AGBL4: variants seen among roughly 807,000 people sequenced by gnomAD.
The protein encoded by AGBL4 is cytosolic carboxypeptidase 6.
A neutral mutation model predicts 66.4 loss-of-function variants in AGBL4; 58 were observed. The ratio of observed to expected loss-of-function variants is 0.87; its 90% CI spans 0.71 to 1.09. The LOEUF (loss-of-function observed/expected upper bound fraction) is 1.09. Among genes scored for constraint, AGBL4 ranks in the 50% least tolerant of loss-of-function variants. The probability of loss-of-function intolerance (pLI) is 0.00; values close to 1 mark genes in which losing one functional copy is unlikely to be tolerated. For synonymous variants in AGBL4, 234 were observed against 222.9 expected (o/e 1.05, Z -0.44); for missense variants, 579 against 631.0 (o/e 0.92, Z 0.88).
At chr1:49,448,731 T>C (rs1176790899) in intron 3 of AGBL4, among the ~76,000 whole-genome samples, 1 of 152,176 alleles carries the variant, frequency 6.6e-6, no homozygotes. Context: ...AAATGGTATC[T>C]ATGGTGAAGA....
chr1:49,845,160 T>C, intron 2 of AGBL4: 1 of 1,403,898 alleles, frequency 7.1e-7, no homozygotes, highest in South Asian at 1.2e-5. Context: ...AGAGACCTTA[T>C]GAATGTCACA....
At chr1:48,992,018 G>A (rs1338961562) in intron 5 of AGBL4, among the ~76,000 whole-genome samples, 1 of 152,114 alleles carries the variant, frequency 6.6e-6, no homozygotes, top group Non-Finnish European at 1.5e-5. Context: ...GTGAGGTCAT[G>A]TTTTCCTGGA....
At chr1:48,827,711 T>C (rs1448297870) in intron 6 of AGBL4, among the ~76,000 whole-genome samples, 1 of 152,196 alleles carries the variant, frequency 6.6e-6, no homozygotes, top group Non-Finnish European at 1.5e-5. Flanking sequence ...CAAGAAACAG[T>C]CTTAGCTGTA....
intron 5 of AGBL4, among the ~76,000 whole-genome samples, chr1:48,949,184 A>G (rs1364438986): frequency 6.6e-6 from 1 of 152,192 alleles, no homozygotes; most frequent in Non-Finnish European, 1.5e-5. Flanking sequence ...GGAGTCCCAC[A>G]TGCCACACCT....
intron 1 of AGBL4, among the ~76,000 whole-genome samples, chr1:49,866,593 G>A (rs1305506470): frequency 3.9e-5 from 6 of 151,982 alleles, no homozygotes; most frequent in Admixed American, 6.6e-5. Flanking sequence ...GCAAAATTCC[G>A]TCTCTACTAA....
At chr1:49,870,370 C>A (rs1646808723) in intron 1 of AGBL4, among the ~76,000 whole-genome samples, 1 of 151,838 alleles carries the variant, frequency 6.6e-6, no homozygotes, top group Admixed American at 6.6e-5. Context: ...AAAATATTAA[C>A]CTTTAAATCA....
At chr1:49,441,293 A>G (rs766010335) in intron 3 of AGBL4, among the ~76,000 whole-genome samples, 61 of 152,318 alleles carry the variant, frequency 4.0e-4, no homozygotes, top group Middle Eastern at 6.8e-3. Context: ...TGGTGGAAGG[A>G]ACATAGAGTT....
rs571034894 is a variant in AGBL4, at chr1:49,432,365, CCAATTCCAACTGGTTG to C, written c.283-186517_283-186502del. On this transcript the variant is annotated intron_variant, in intron 3 of 13. Transcript: ENST00000371839. Reference sequence around the variant, plus strand: ...TTTCCAGGCCTTCTTCTTGGAATTTCCAATTCCAACTGGTTGCAGGAATAAAAACTCTCTTCCTCCC... The same window carrying C: ...TTTCCAGGCCTTCTTCTTGGAATTTCCAGGAATAAAAACTCTCTTCCTCCC... Among the ~76,000 whole-genome samples the C allele has an allele frequency of 3.5e-4, 53 of 152,224 alleles. 1 individual carries two copies. The South Asian group carries it at 9.7e-3, about 28-fold the overall frequency.
chr1:49,887,178 T>C (rs1279741543), intron 1 of AGBL4, among the ~76,000 whole-genome samples: 1 of 32,618 alleles, frequency 3.1e-5, no homozygotes, highest in Non-Finnish European at 1.0e-4. Flanking sequence ...ATATACATTG[T>C]ATATATATAT....
At chr1:49,443,814 GGTTT>G (rs1646092653) in intron 3 of AGBL4, among the ~76,000 whole-genome samples, 1 of 149,882 alleles carries the variant, frequency 6.7e-6, no homozygotes, top group Admixed American at 6.7e-5. Flanking sequence ...TTTTGATTTG[GGTTT>G]GTTCTTGCTT....
chr1:48,758,978 C>T (rs760424879), intron 6 of AGBL4: 9 of 1,612,592 alleles, frequency 5.6e-6, no homozygotes, highest in African/African-American at 1.3e-5. Context: ...GACACAAGTG[C>T]CCCGTACTCC....
intron 3 of AGBL4, among the ~76,000 whole-genome samples, chr1:49,628,057 A>C (rs547955087): frequency 2.0e-5 from 3 of 152,188 alleles, no homozygotes; most frequent in Non-Finnish European, 4.4e-5. Flanking sequence ...TTCCAGATGC[A>C]TGGTCACTTG....
intron 5 of AGBL4, among the ~76,000 whole-genome samples, chr1:48,907,186 C>A (rs574499555): frequency 1.1e-3 from 174 of 152,176 alleles, no homozygotes; most frequent in Non-Finnish European, 1.9e-3. Flanking sequence ...CGCAACTTTG[C>A]CTTATTGAAT....
chr1:48,985,510 A>G (rs1660115813), intron 5 of AGBL4, among the ~76,000 whole-genome samples: 2 of 152,106 alleles, frequency 1.3e-5, no homozygotes, highest in Non-Finnish European at 2.9e-5. Context: ...TTAAACTAGA[A>G]ACCTCATAAT....
intron 11 of AGBL4, chr1:48,586,476 A>T (rs545625505): frequency 2.6e-5 from 4 of 156,120 alleles, no homozygotes; most frequent in Non-Finnish European, 5.7e-5. Context: ...AGGAGGGAGG[A>T]GGAGGGCATA....
intron 5 of AGBL4, among the ~76,000 whole-genome samples, chr1:49,000,968 C>T (rs1220637073): frequency 1.3e-5 from 2 of 152,144 alleles, no homozygotes; most frequent in Non-Finnish European, 2.9e-5. Context: ...GAATATACAA[C>T]CCAAAGGCAA....
chr1:49,449,564 G>A (rs1646232669), intron 3 of AGBL4, among the ~76,000 whole-genome samples: 1 of 151,898 alleles, frequency 6.6e-6, no homozygotes, highest in Non-Finnish European at 1.5e-5. Context: ...ATGAGAAGCA[G>A]CTGTATTTTC....
Position 49,229,663 on chromosome 1 carries a change from T to G in AGBL4, c.377+16107A>C, listed in dbSNP as rs923144746. Among the ~76,000 whole-genome samples, 8 of 152,308 alleles carry G rather than the reference T, an allele frequency of 5.3e-5. No homozygotes were observed. The East Asian group carries it at 9.7e-4, about 18-fold the overall frequency. The stretch of plus-strand genomic sequence containing the variant: ...ATTCAAAAAAAGACTTGTCAGTATC[T>G]GGGTCCTGACCTTTGAAGATTGCCT... On this transcript the variant is annotated intron_variant, in intron 4 of 13. Coordinates refer to ENST00000371839, the MANE Select transcript of AGBL4 (RefSeq NM_032785.4).
chr1:49,224,385 A>G (rs541700904), intron 4 of AGBL4, among the ~76,000 whole-genome samples: 70 of 152,106 alleles, frequency 4.6e-4, no homozygotes, highest in Non-Finnish European at 8.7e-4. Flanking sequence ...TGGGTGGCCA[A>G]GGCAGGCAGA....
Sources: gnomAD v4.1 joint callset for allele counts (sites outside exome capture counted in the v4.1 genomes callset) on GRCh38, gnomAD v4.1.1 for gene constraint, MANE v1.5 for transcripts, NCBI Gene and HGNC (gene_info 2026-07-23, HGNC 2026-07-21) for gene names.